Variants in ZC3H6 observed in about 807,000 individuals in gnomAD.
The protein encoded by ZC3H6 is zinc finger CCCH domain-containing protein 6.
A neutral mutation model predicts 107.7 loss-of-function variants in ZC3H6; 40 were observed. The observed-to-expected ratio is 0.37, with a 90% CI of 0.29 to 0.48. The LOEUF is 0.48. Among genes scored for constraint, ZC3H6 ranks in the 20% least tolerant of loss-of-function variants. The pLI, the probability that ZC3H6 is intolerant of heterozygous loss-of-function variation, is 0.98. For missense variants in ZC3H6, 1,267 were observed against 1,410.4 expected (o/e 0.90, Z 1.63); for synonymous variants, 493 against 487.9 (o/e 1.01, Z -0.14).
chr2:112,279,930 A>G (rs1686497448), intron 1 of ZC3H6, among the ~76,000 whole-genome samples: 1 of 152,228 alleles, frequency 6.6e-6, no homozygotes, highest in South Asian at 2.1e-4. Context: ...AAAGTAATGG[A>G]ATAAGTTCTG....
intron 7 of ZC3H6, among the ~76,000 whole-genome samples, chr2:112,320,490 A>C (rs1006562117): frequency 6.6e-5 from 10 of 152,262 alleles, no homozygotes; most frequent in African/African-American, 9.6e-5. Context: ...TCACCTCTGT[A>C]AGAGTATGTT....
chr2:112,334,899 G>A lies in ZC3H6; in HGVS notation c.*2411G>A, dbSNP rs1281293376. ...ACTGTTAGATTGAAAAGTAAGTTAC[G>A]TTCCTGTTCTTAGAAGCCACACATT... On this transcript the variant is annotated 3_prime_UTR_variant, in exon 12 of 12. Coordinates refer to ENST00000409871, the MANE Select transcript of ZC3H6 (RefSeq NM_198581.3). 2.0e-5 allele frequency: 3 copies of A among 152,464 alleles called. No individual in the cohort carries two copies. Among genetic ancestry groups the A allele is most frequent in the South Asian group, 4.1e-4 (2 of 4,824 alleles). 9.4% of individuals were successfully genotyped at this position (152,464 alleles called of 1,614,324 possible).
chr2:112,312,081 C>A, intron 5 of ZC3H6, 144 bp downstream of exon 5: 2 of 775,424 alleles, frequency 2.6e-6, no homozygotes, highest in Non-Finnish European at 3.7e-6. Context: ...TCAATAACCT[C>A]CAAAAAATAG....
In ZC3H6 at chr2:112,276,021, C is replaced by G. The variant is rs1686409581; in HGVS notation, c.27C>G (p.His9Gln). 1 of 1,541,978 alleles carries G rather than the reference C, an allele frequency of 6.5e-7. No individual in the cohort carries two copies. Among genetic ancestry groups the G allele is most frequent in the East Asian group, 2.5e-5 (1 of 39,964 alleles). ...TGACAGACTCTGAACATGCAGGGCACGACAGGTCGGGAACCCTTCTTGTCT... is the reference window on the plus strand; with the variant it reads ...TGACAGACTCTGAACATGCAGGGCAGGACAGGTCGGGAACCCTTCTTGTCT... MTDSEHAG[H>Q]DREDGELEDG... The change falls in exon 1 of 12, where the codon CAC becomes CAG. Residue 9 changes from histidine (H) to glutamine (Q), a missense_variant. Around this residue, in one of 3 missense-constraint regions of ZC3H6, gnomAD observed 337 missense variants for 361.2 expected, o/e 0.93. Coordinates refer to ENST00000409871, the MANE Select transcript of ZC3H6 (RefSeq NM_198581.3).
At chr2:112,289,671 G>GT (rs1676062615) in intron 1 of ZC3H6, among the ~76,000 whole-genome samples, 1 of 152,198 alleles carries the variant, frequency 6.6e-6, no homozygotes, top group Admixed American at 6.6e-5. Context: ...ATGAAATAGG[G>GT]TGACCCATTT....
chr2:112,299,037 G>T (rs994244241), intron 1 of ZC3H6, among the ~76,000 whole-genome samples: 4 of 152,062 alleles, frequency 2.6e-5, no homozygotes, highest in African/African-American at 7.2e-5. Flanking sequence ...CAGCACTTTG[G>T]GAGGCCGAGG....
intron 1 of ZC3H6, among the ~76,000 whole-genome samples, chr2:112,283,006 G>T (rs949536279): frequency 2.6e-5 from 4 of 152,154 alleles, no homozygotes; most frequent in Admixed American, 2.0e-4. Flanking sequence ...ATTTCTGGTA[G>T]ATATATTTTT....
chr2:112,303,149 C>T, intron 2 of ZC3H6, 80 bp from the exon 3 acceptor site: 1 of 1,517,178 alleles, frequency 6.6e-7, no homozygotes, highest in South Asian at 1.3e-5. Context: ...GTACCTCTGG[C>T]TGAAACAAGC....
chr2:112,315,505 T>A (rs1676680280), intron 5 of ZC3H6, among the ~76,000 whole-genome samples: 1 of 152,146 alleles, frequency 6.6e-6, no homozygotes, highest in Non-Finnish European at 1.5e-5. Flanking sequence ...GGTATATTCT[T>A]TTTGTCTTTT....
rs1487606753 is a variant in ZC3H6 at position 112,331,271 on chromosome 2, C to T, written c.2353C>T (p.Pro785Ser). The T allele has an allele frequency of 2.5e-6, 4 of 1,613,664 alleles. No homozygotes were observed. In the Admixed American group the frequency reaches 6.7e-5, roughly 27 times the overall value. ...ACTGGATCTTAGACTTGCGTGGGAT[C>T]CCAGGAAATTGAGAGGGAATGGAAG... Reference protein sequence around the residue: ...APLDLRLAWDPRKLRGNGSGH... With the variant: ...APLDLRLAWDSRKLRGNGSGH... The change falls in exon 12 of 12, where the codon CCC becomes TCC. Residue 785 changes from proline (P) to serine (S), a missense_variant. Transcript: ENST00000409871.
Position 112,332,549 on chromosome 2 carries a change from G to C in ZC3H6, c.*61G>C. 1 of 1,489,630 alleles carries C rather than the reference G, an allele frequency of 6.7e-7. No homozygotes were observed. The highest frequency in any genetic ancestry group is 9.0e-7 in the Non-Finnish European group (1 of 1,108,646). 92.3% of individuals were successfully genotyped at this position (1,489,630 alleles called of 1,614,324 possible). A position where few individuals can be genotyped will look rare whatever the true frequency, so the allele number is the denominator to read the frequency against. ...GACTATCTCAGTCCTCTGCTGTTTT[G>C]TAACTGGTTTACCTCTATAGTTTAT... On this transcript the variant is annotated 3_prime_UTR_variant, in exon 12 of 12. Coordinates refer to ENST00000409871, the MANE Select transcript of ZC3H6 (RefSeq NM_198581.3).
At chr2:112,322,211 G>GTCTCT (rs1676815764) in intron 8 of ZC3H6, among the ~76,000 whole-genome samples, 1 of 141,046 alleles carries the variant, frequency 7.1e-6, no homozygotes, top group Non-Finnish European at 1.5e-5. Context: ...CTCTCTCTCT[G>GTCTCT]TCTCTTTTCT....
At position 112,336,851 on chromosome 2, in the gene ZC3H6, CT is replaced by C. The variant is rs1459385955; in HGVS notation, c.*4367del. On this transcript the variant is annotated 3_prime_UTR_variant, in exon 12 of 12. Coordinates refer to ENST00000409871, the MANE Select transcript of ZC3H6 (RefSeq NM_198581.3). ...AGCACATTTAAAATAATATTTTATG[CT>C]TTTGGAGACAGGACCCACATGTATC... 6.6e-6 allele frequency: 1 copy of C among 152,116 alleles called. No homozygotes were observed. The highest frequency in any genetic ancestry group is 2.4e-5 in the African/African-American group (1 of 41,408). 9.4% of individuals were successfully genotyped at this position (152,116 alleles called of 1,614,324 possible).
intron 1 of ZC3H6, among the ~76,000 whole-genome samples, chr2:112,292,649 C>T (rs1488225301): frequency 6.6e-6 from 1 of 152,214 alleles, no homozygotes; most frequent in Non-Finnish European, 1.5e-5. Context: ...CCACATTCAT[C>T]AGGGAATGTT....
At chr2:112,276,335 C>T (rs1471730458) in intron 1 of ZC3H6, among the ~76,000 whole-genome samples, 3 of 151,160 alleles carry the variant, frequency 2.0e-5, no homozygotes, top group Admixed American at 6.6e-5. Context: ...CGTCCCGGCT[C>T]GGTGCTGAGG....
chr2:112,326,848 G>A (rs2104724256), intron 11 of ZC3H6, among the ~76,000 whole-genome samples: 1 of 152,086 alleles, frequency 6.6e-6, no homozygotes, highest in East Asian at 1.9e-4. Flanking sequence ...CCTGACCTCA[G>A]GTGATCTGCC....
rs370642724 is a variant in ZC3H6 at position 112,289,387 on chromosome 2, C to T, written c.33-10462C>T. Among the ~76,000 whole-genome samples, 16 of 148,726 alleles carry T rather than the reference C, an allele frequency of 1.1e-4. No homozygotes were observed. The East Asian group carries it at 2.8e-3, about 26-fold the overall frequency. ...TCGCCCAGGCTGGAGTGCAGTGGCGCGATCTTGGCTCACTACAAGCTCCGC... is the reference window on the plus strand; with the variant it reads ...TCGCCCAGGCTGGAGTGCAGTGGCGTGATCTTGGCTCACTACAAGCTCCGC... On this transcript the variant is annotated intron_variant, in intron 1 of 11. Transcript: ENST00000409871.
rs1190500630 is a variant in ZC3H6, at chr2:112,333,847, T to G, written c.*1359T>G. ...GAAATCAGTCCTTGAATGAAAGCAGTGCCCTTGAGAAGGGATTTTTTTTTA... is the reference window on the plus strand; with the variant it reads ...GAAATCAGTCCTTGAATGAAAGCAGGGCCCTTGAGAAGGGATTTTTTTTTA... On this transcript the variant is annotated 3_prime_UTR_variant, in exon 12 of 12. Transcript: ENST00000409871. The G allele has an allele frequency of 6.6e-6, 1 of 151,910 alleles. No homozygotes were observed. The highest frequency in any genetic ancestry group is 1.9e-4 in the East Asian group (1 of 5,202). The allele number at this position is 151,910 out of a possible 1,614,324, so 9.4% of individuals were successfully genotyped here.
intron 11 of ZC3H6, among the ~76,000 whole-genome samples, chr2:112,327,202 A>AT (rs1329581782): frequency 6.6e-6 from 1 of 152,010 alleles, no homozygotes; most frequent in Non-Finnish European, 1.5e-5. Flanking sequence ...TGTCTTTTGG[A>AT]TAAGACCCAT....
Sources: gnomAD v4.1 joint callset for allele counts (sites outside exome capture counted in the v4.1 genomes callset) on GRCh38, gnomAD v4.1.1 for gene constraint, gnomAD v4.1.1 regional missense constraint, MANE v1.5 for transcripts, NCBI Gene and HGNC (gene_info 2026-07-23, HGNC 2026-07-21) for gene names.